Variants in PPWD1 observed in about 807,000 individuals in gnomAD.
PPWD1 encodes peptidylprolyl isomerase domain and WD repeat containing 1.
Under a neutral mutation model 68.8 loss-of-function variants are expected in PPWD1, and 43 were observed. The observed-to-expected ratio is 0.62, with a 90% CI of 0.49 to 0.81. PPWD1 has a LOEUF of 0.81. PPWD1 is among the 30% of genes least tolerant of loss of function. The pLI, the probability that PPWD1 is intolerant of heterozygous loss-of-function variation, is 0.00. For synonymous variants in PPWD1, 232 were observed against 258.7 expected, an observed-to-expected ratio of 0.90 and a Z score of 0.99; for missense variants, 672 against 804.8, an observed-to-expected ratio of 0.83 and a Z score of 2.00.
chr5:65,567,073 A>C (rs1443621874), intron 1 of PPWD1, among the ~76,000 whole-genome samples: 1 of 152,200 alleles, frequency 6.6e-6, no homozygotes, highest in Non-Finnish European at 1.5e-5. Context: ...ATATTAACTG[A>C]GACATCTTAC....
At chr5:65,570,056 C>CT in intron 4 of PPWD1, 58 bp downstream of exon 4, 1 of 1,456,044 alleles carries the variant, frequency 6.9e-7, no homozygotes, top group South Asian at 1.2e-5. Flanking sequence ...GTAAATCAGA[C>CT]TTTACCATTT....
intron 9 of PPWD1, among the ~76,000 whole-genome samples, chr5:65,585,675 G>C (rs1753808227): frequency 6.6e-6 from 1 of 152,160 alleles, no homozygotes; most frequent in Admixed American, 6.5e-5. Flanking sequence ...GGGAAAGGGA[G>C]AGGGAGAAGA....
At chr5:65,563,742 A>T in intron 1 of PPWD1, 1 of 1,436,182 alleles carries the variant, frequency 7.0e-7, no homozygotes, top group Non-Finnish European at 9.5e-7. Flanking sequence ...GTTATGACAG[A>T]TGCTAAAACT....
chr5:65,580,278 C>T (rs1753534897), intron 7 of PPWD1, among the ~76,000 whole-genome samples: 1 of 152,218 alleles, frequency 6.6e-6, no homozygotes, highest in South Asian at 2.1e-4. Flanking sequence ...AAACGTGACT[C>T]TTATTTTCTG....
At chr5:65,563,765 T>C (rs261252) in intron 1 of PPWD1, 1 of 1,469,024 alleles carries the variant, frequency 6.8e-7, no homozygotes, top group Admixed American at 2.0e-5. Context: ...CATTTTCCTA[T>C]TCTTATGTGT....
At position 65,572,396 on chromosome 5, in the gene PPWD1, T is replaced by A. The variant is rs908987053; in HGVS notation, c.969+110T>A. The stretch of plus-strand genomic sequence containing the variant: ...AGATAGACATTTAGATAGACTTATT[T>A]TTTTCTTAGCACATTAGAGATATTC... On this transcript the variant is annotated intron_variant, in intron 5 of 10. Transcript: ENST00000261308. 2.6e-6 allele frequency: 3 copies of A among 1,166,550 alleles called. No homozygotes were observed. In the East Asian group the frequency reaches 7.7e-5, roughly 30 times the overall value. 72.3% of individuals were successfully genotyped at this position (1,166,550 alleles called of 1,614,324 possible).
At chr5:65,582,329 A>T (rs2150606721) in intron 7 of PPWD1, among the ~76,000 whole-genome samples, 1 of 152,330 alleles carries the variant, frequency 6.6e-6, no homozygotes, top group East Asian at 1.9e-4. Flanking sequence ...CTACAACTTC[A>T]CTGAAAATTT....
chr5:65,569,493 G>C, intron 2 of PPWD1, 139 bp from the exon 3 acceptor site: 1 of 968,994 alleles, frequency 1.0e-6, no homozygotes, highest in South Asian at 2.3e-5. Flanking sequence ...GTAATATAGT[G>C]GTCTGCTTAA....
In PPWD1 at chr5:65,571,993, C is replaced by G; in HGVS notation, c.676C>G (p.Leu226Val). ...TTTTGACAAACTCCATACATCACCT[C>G]TTACTCAGATACGGCTAAACCCAGT... The part of the protein sequence containing the change: ...HIFDKLHTSP[L>V]TQIRLNPVYK... The change falls in exon 5 of 11, where the codon CTT becomes GTT. Residue 226 changes from leucine to valine, a missense_variant. Physicochemically the swap from Leu to Val is conservative, Grantham distance 32. Around this residue, in one of 2 missense-constraint regions of PPWD1, gnomAD observed 484 missense variants for 646.2 expected, o/e 0.75. Coordinates refer to ENST00000261308, the MANE Select transcript of PPWD1 (RefSeq NM_015342.4). 2.5e-6 allele frequency: 4 copies of G among 1,614,054 alleles called. No homozygotes were observed. The highest frequency in any genetic ancestry group is 3.4e-6 in the Non-Finnish European group (4 of 1,179,914).
At chr5:65,571,405 A>G (rs1231199646) in intron 4 of PPWD1, among the ~76,000 whole-genome samples, 1 of 152,200 alleles carries the variant, frequency 6.6e-6, no homozygotes, top group Non-Finnish European at 1.5e-5. Flanking sequence ...TATTGTCATA[A>G]TAAAATATTT....
chr5:65,566,811 CCTTT>C (rs35782298), intron 1 of PPWD1, among the ~76,000 whole-genome samples: 33,603 of 146,644 alleles, frequency 0.23, 3,990 homozygotes, highest in Non-Finnish European at 0.29. Context: ...TCTCTCCATC[CCTTT>C]CTTTCTTTTT....
At position 65,578,707 on chromosome 5, in the gene PPWD1, T is replaced by TATATATATGTATATACATATATATATAC. The variant is rs1753427905; in HGVS notation, c.1161-708_1161-681dup. On this transcript the variant is annotated intron_variant, in intron 6 of 10. Transcript: ENST00000261308. ...TTATTGTTGTGTTTTAAGAGTTCTT[T>TATATATATGTATATACATATATATATAC]ATATATATGTATATACATATATATA... is the stretch of plus-strand genomic sequence containing the variant. Among the ~76,000 whole-genome samples the TATATATATGTATATACATATATATATAC allele has an allele frequency of 2.1e-5, 3 of 141,528 alleles. 1 individual carries two copies. In the South Asian group the frequency reaches 6.7e-4, roughly 32 times the overall value. 92.8% of individuals were successfully genotyped at this position (141,528 alleles called of 152,430 possible).
chr5:65,574,237 A>G (rs189742545), intron 5 of PPWD1, among the ~76,000 whole-genome samples: 50 of 152,356 alleles, frequency 3.3e-4, no homozygotes, highest in Admixed American at 2.9e-3. Context: ...CAGCCAAATT[A>G]TCCTTATGAC....
intron 1 of PPWD1, 110 bp downstream of exon 1, chr5:65,563,616 CAGA>C: frequency 7.1e-7 from 1 of 1,413,312 alleles, no homozygotes; most frequent in Non-Finnish European, 9.6e-7. Flanking sequence ...GCCCTCAGAA[CAGA>C]GGGCCGTCCT....
At chr5:65,565,415 G>A (rs1252542744) in intron 1 of PPWD1, among the ~76,000 whole-genome samples, 4 of 152,128 alleles carry the variant, frequency 2.6e-5, no homozygotes, top group African/African-American at 9.7e-5. Flanking sequence ...TAGTGTTACC[G>A]GACAAGTGTC....
rs1753665039 is a variant in PPWD1, at chr5:65,583,031, C to T, written c.1351-7C>T. On this transcript the variant is annotated splice_region_variant and splice_polypyrimidine_tract_variant and intron_variant, in intron 7 of 10. Transcript: ENST00000261308. The stretch of plus-strand genomic sequence containing the variant: ...TCGTTGACTCACTTTTTACTTTCCT[C>T]CTTGAGTTTACCAAACGAGAACCAG... The T allele has an allele frequency of 1.9e-6, 3 of 1,555,744 alleles. No individual in the cohort carries two copies. The highest frequency in any genetic ancestry group is 8.7e-7 in the Non-Finnish European group (1 of 1,150,630).
chr5:65,579,596 AAGAAT>A lies in PPWD1; in HGVS notation c.1337_1341del (p.Asn446IlefsTer18), dbSNP rs1377012088. The A allele has an allele frequency of 1.3e-6, 2 of 1,572,498 alleles. No individual in the cohort carries two copies. Among genetic ancestry groups the A allele is most frequent in the African/African-American group, 2.8e-5 (2 of 72,176 alleles). On this transcript the variant is annotated frameshift_variant, in exon 7 of 11. Coordinates refer to ENST00000261308, the MANE Select transcript of PPWD1 (RefSeq NM_015342.4). LOFTEE classifies it high-confidence loss of function. ...AACAATAGTCTGTACATCATTCAAAAAGAATAGATTTTATATGGTATGTGTAAGTA... is the reference window on the plus strand; with the variant it reads ...AACAATAGTCTGTACATCATTCAAAAAGATTTTATATGGTATGTGTAAGTA...
Position 65,563,703 on chromosome 5 carries a change from TA to T in PPWD1, c.196+199del, listed in dbSNP as rs1405536925. ...TAAGCGTAGTACAACGTCTTTTTGA[TA>T]ATATCTAACACTTTTGATCATTGAT... On this transcript the variant is annotated intron_variant, in intron 1 of 10. Transcript: ENST00000261308. The T allele has an allele frequency of 2.2e-6, 3 of 1,390,068 alleles. No individual in the cohort carries two copies. The African/African-American group carries it at 4.3e-5, about 20-fold the overall frequency. The allele number at this position is 1,390,068 out of a possible 1,614,324, so 86.1% of individuals were successfully genotyped here.
chr5:65,565,304 T>C (rs1445248969), intron 1 of PPWD1, among the ~76,000 whole-genome samples: 1 of 152,234 alleles, frequency 6.6e-6, no homozygotes, highest in Non-Finnish European at 1.5e-5. Context: ...TTTATGCTGG[T>C]CTTTAGCTAT....
Sources: gnomAD v4.1 joint callset for allele counts (sites outside exome capture counted in the v4.1 genomes callset) on GRCh38, gnomAD v4.1.1 for gene constraint, gnomAD v4.1.1 regional missense constraint, MANE v1.5 for transcripts, NCBI Gene and HGNC (gene_info 2026-07-23, HGNC 2026-07-21) for gene names.